The following ARMCX4 variants were observed in gnomAD, a reference collection of about 807,000 sequenced individuals.
The protein encoded by ARMCX4 is armadillo repeat containing X-linked 4, also known as armadillo repeat-containing X-linked protein 4.
ARMCX4 carries 3 observed loss-of-function variants against 34.7 expected under a neutral mutation model. The ratio of observed to expected loss-of-function variants is 0.09; its 90% CI spans 0.04 to 0.22. The LOEUF is 0.22. Ranked by LOEUF, ARMCX4 falls within the 10% of genes least tolerant of loss-of-function variation. ARMCX4 has a pLI of 1.00. For missense variants in ARMCX4, 1,448 were observed against 1,720.8 expected, an observed-to-expected ratio of 0.84 and a Z score of 2.81; for synonymous variants, 513 against 632.8, an observed-to-expected ratio of 0.81 and a Z score of 2.84.
upstream of ARMCX4, among the ~76,000 whole-genome samples, chrX:101,484,898 A>G (rs918344716): frequency 4.9e-5 from 5 of 101,250 alleles, no homozygotes; most frequent in Admixed American, 4.4e-4. Flanking sequence ...TTACAATATT[A>G]GAAAAGAATG....
chrX:101,452,796 T>C (rs1825841524), downstream of ARMCX4, among the ~76,000 whole-genome samples: 1 of 109,910 alleles, frequency 9.1e-6, no homozygotes, highest in Admixed American at 9.8e-5. Context: ...CCTTAAGGGA[T>C]CTACCCACCT....
chrX:101,494,179 A>G lies in ARMCX4; in HGVS notation c.5590A>G (p.Arg1864Gly). The G allele has an allele frequency of 8.9e-7, 1 of 1,128,606 alleles. No homozygotes were observed. Among genetic ancestry groups the G allele is most frequent in the Non-Finnish European group, 1.2e-6 (1 of 858,371 alleles). The allele number at this position is 1,128,606 out of a possible 1,213,427, so 93.0% of individuals were successfully genotyped here. The change falls in exon 6 of 6, where the codon AGG becomes GGG. Residue 1864 changes from arginine (R) to glycine (G), a missense_variant. Arg to Gly is a moderately radical substitution (Grantham distance 125). Around this residue, in one of 2 missense-constraint regions of ARMCX4, gnomAD observed 1,343 missense variants for 1,540.7 expected, o/e 0.87. Transcript: ENST00000423738. Reference protein sequence around the residue: ...WDGDATTVESRLGAGEEAGVE... With the variant: ...WDGDATTVESGLGAGEEAGVE... ...TGGAGATGCAACCACTGTAGAGTCT[A>G]GGCTTGGGGCTGGGGAAGAGGCTGG...
chrX:101,530,191 G>A (rs2147727553), intron 11 of ARMCX4, among the ~76,000 whole-genome samples: 1 of 111,779 alleles, frequency 8.9e-6, no homozygotes, highest in African/African-American at 3.2e-5. Context: ...GTAGAGACAT[G>A]GATGAAGCTG....
At chrX:101,507,902 G>A (rs1934491355) in intron 8 of ARMCX4, among the ~76,000 whole-genome samples, 1 of 112,267 alleles carries the variant, frequency 8.9e-6, no homozygotes, top group Non-Finnish European at 1.9e-5. Flanking sequence ...ATACAATGGT[G>A]GTCCCATAAG....
At chrX:101,432,897 C>CGT (rs1423408729) in intron 2 of ARMCX4, among the ~76,000 whole-genome samples, 5 of 42,910 alleles carry the variant, frequency 1.2e-4, no homozygotes, top group African/African-American at 3.1e-4. Context: ...TGTATATATA[C>CGT]GTGTATATAC....
At chrX:101,516,348 A>C (rs782412634) in intron 11 of ARMCX4, 1 of 111,849 alleles carries the variant, frequency 8.9e-6, no homozygotes, top group Non-Finnish European at 1.9e-5. Context: ...CCCCACTAAC[A>C]TTATAAAATT....
At chrX:101,448,596 G>GT (rs1425087832), downstream of ARMCX4, among the ~76,000 whole-genome samples, 8 of 111,210 alleles carry the variant, frequency 7.2e-5, no homozygotes, top group Admixed American at 4.8e-4. Context: ...GTTTTGTTTT[G>GT]TTTTTTGTTC....
At chrX:101,448,912 CTTTTTTTTTTT>C (rs3060590), downstream of ARMCX4, among the ~76,000 whole-genome samples, 3 of 71,825 alleles carry the variant, frequency 4.2e-5, no homozygotes, top group African/African-American at 5.4e-5. Flanking sequence ...CTTTTCTTTC[CTTTTTTTTTTT>C]TTTTTTTTTA....
At position 101,467,277 on chromosome X, in the gene ARMCX4, G is replaced by A. The variant is rs782438104; in HGVS notation, c.-472-18746G>A. On this transcript the variant is annotated intron_variant and NMD_transcript_variant, in intron 4 of 15. Transcript: ENST00000433011. ...TGATTCTCGTGCCTCAGCCACCTGA[G>A]TAGCTGGGATTACAGGCATGCGCCA... Among the ~76,000 whole-genome samples, 3 of 111,641 alleles carry A rather than the reference G, an allele frequency of 2.7e-5. No homozygotes were observed. The East Asian group carries it at 8.4e-4, about 31-fold the overall frequency.
intron 4 of ARMCX4, among the ~76,000 whole-genome samples, chrX:101,454,474 G>C (rs1356746192): frequency 9.4e-6 from 1 of 106,232 alleles, no homozygotes; most frequent in Non-Finnish European, 1.9e-5. Context: ...TTTCAGTAGA[G>C]ATGGGGTTTC....
At chrX:101,434,761 A>G (rs1401520875) in intron 2 of ARMCX4, among the ~76,000 whole-genome samples, 1 of 107,297 alleles carries the variant, frequency 9.3e-6, no homozygotes, top group South Asian at 4.2e-4. Flanking sequence ...AACCTTAGGT[A>G]TATCTCCTAA....
intron 2 of ARMCX4, among the ~76,000 whole-genome samples, chrX:101,426,205 C>T (rs933730516): frequency 9.0e-6 from 1 of 111,196 alleles, no homozygotes; most frequent in Non-Finnish European, 1.9e-5. Context: ...GTTAAAAATA[C>T]AGCAGAGAGA....
At chrX:101,502,182 G>T (rs1175432048) in intron 7 of ARMCX4, among the ~76,000 whole-genome samples, 3 of 112,292 alleles carry the variant, frequency 2.7e-5, no homozygotes, top group Admixed American at 9.4e-5. Flanking sequence ...CATGAGCTGA[G>T]TTCTGTCAGA....
At chrX:101,464,509 A>G (rs1279779261) in intron 4 of ARMCX4, among the ~76,000 whole-genome samples, 1 of 111,974 alleles carries the variant, frequency 8.9e-6, no homozygotes, top group East Asian at 2.8e-4. Context: ...GGATTTGCTA[A>G]CATCAAGTGG....
chrX:101,526,958 A>C (rs1431256106), intron 11 of ARMCX4, among the ~76,000 whole-genome samples: 1 of 111,830 alleles, frequency 8.9e-6, no homozygotes, highest in Non-Finnish European at 1.9e-5. Context: ...CCAGGACTTG[A>C]ACTCAGCTCT....
intron 2 of ARMCX4, among the ~76,000 whole-genome samples, chrX:101,429,118 C>T (rs1422493210): frequency 9.1e-6 from 1 of 110,326 alleles, no homozygotes; most frequent in African/African-American, 3.3e-5. Flanking sequence ...CCTCAGCCTC[C>T]CAAATTGCTG....
intron 2 of ARMCX4, among the ~76,000 whole-genome samples, chrX:101,433,001 T>TATATACACATATGTATACATACAC (rs1569314946): frequency 1.0e-3 from 58 of 57,786 alleles, no homozygotes; most frequent in African/African-American, 2.9e-3. Flanking sequence ...TATACATATA[T>TATATACACATATGTATACATACAC]GTGTATATAT....
intron 4 of ARMCX4, among the ~76,000 whole-genome samples, chrX:101,458,648 G>A (rs1484709828): frequency 2.8e-5 from 3 of 109,071 alleles, no homozygotes; most frequent in South Asian, 4.0e-4. Flanking sequence ...CCCCACGCTC[G>A]GCTAATTTTT....
upstream of ARMCX4, among the ~76,000 whole-genome samples, chrX:101,482,269 G>A (rs183987153): frequency 4.5e-5 from 5 of 111,955 alleles, no homozygotes; most frequent in African/African-American, 1.6e-4. Context: ...AATAAGACAT[G>A]TATGTGTATA....
Sources: allele counts gnomAD v4.1 joint callset (sites outside exome capture counted in the v4.1 genomes callset), GRCh38; gene constraint gnomAD v4.1.1; regional missense constraint gnomAD v4.1.1; transcripts MANE v1.5; gene names NCBI Gene and HGNC (gene_info 2026-07-23, HGNC 2026-07-21).